Variants in UGT1A6 observed in about 807,000 individuals in gnomAD.
The protein encoded by UGT1A6 is UDP-glucuronosyltransferase 1A6.
UGT1A6 carries 32 observed loss-of-function variants against 44.4 expected under a neutral mutation model. The observed-to-expected ratio is 0.72, with a 90% confidence interval of 0.54 to 0.97. The LOEUF is 0.97. UGT1A6 is among the 50% of genes least tolerant of loss of function. The pLI is 0.00. For synonymous variants in UGT1A6, 238 were observed against 248.5 expected, an observed-to-expected ratio of 0.96 and a Z score of 0.40; for missense variants, 685 against 661.9, an observed-to-expected ratio of 1.03 and a Z score of -0.38.
intron 3 of UGT1A6, 123 bp downstream of exon 3, chr2:233,768,059 T>G: frequency 3.1e-6 from 5 of 1,601,374 alleles, no homozygotes; most frequent in Non-Finnish European, 4.3e-6. Flanking sequence ...CCTACATTGC[T>G]TTTTATCTAG....
At chr2:233,737,493 C>T (rs2078886571) in intron 1 of UGT1A6, among the ~76,000 whole-genome samples, 1 of 152,188 alleles carries the variant, frequency 6.6e-6, no homozygotes, top group Admixed American at 6.5e-5. Flanking sequence ...AAGGGAAATC[C>T]CTCACCCTCT....
intron 1 of UGT1A6, among the ~76,000 whole-genome samples, chr2:233,744,545 T>A (rs1042010726): frequency 6.6e-6 from 1 of 151,936 alleles, no homozygotes; most frequent in Non-Finnish European, 1.5e-5. Context: ...TAAATTTTAT[T>A]AAGACAAAAT....
Position 233,726,984 on chromosome 2 carries a change from G to A in UGT1A6, c.861+33119G>A, listed in dbSNP as rs570702921. Among the ~76,000 whole-genome samples, 9 of 152,176 alleles carry A rather than the reference G, an allele frequency of 5.9e-5. No individual in the cohort carries two copies. The East Asian group carries it at 1.2e-3, about 20-fold the overall frequency. ...GAGCAAAAGTTTTAGATTTTGATGA[G>A]GTTCTTTCTAGCAAAGTTTTATCAT... On this transcript the variant is annotated intron_variant, in intron 1 of 4. Transcript: ENST00000305139.
intron 1 of UGT1A6, among the ~76,000 whole-genome samples, chr2:233,728,362 AC>A (rs1475063601): frequency 1.3e-5 from 2 of 152,120 alleles, no homozygotes; most frequent in East Asian, 3.9e-4. Flanking sequence ...AGCTCCCTGA[AC>A]CCACCATGGG....
chr2:233,732,187 T>A (rs1208942710), intron 1 of UGT1A6, among the ~76,000 whole-genome samples: 3 of 152,250 alleles, frequency 2.0e-5, no homozygotes, highest in African/African-American at 7.2e-5. Flanking sequence ...ATTCTGGATA[T>A]TAGCCCTTTG....
rs537688236 is a variant in UGT1A6, at chr2:233,769,340, T to C, written c.1301+901T>C. On this transcript the variant is annotated intron_variant, in intron 4 of 4. Coordinates refer to ENST00000305139, the MANE Select transcript of UGT1A6 (RefSeq NM_001072.4). The surrounding 1 kb of genome is among the most constrained non-coding windows in gnomAD (Gnocchi z 4.4). The stretch of plus-strand genomic sequence containing the variant: ...CACTGGTAATAGGCTTATTAGAACC[T>C]TATGGGAAGAAGTGGTGGCCAGTGG... Among the ~76,000 whole-genome samples, 3 of 152,228 alleles carry C rather than the reference T, an allele frequency of 2.0e-5. No individual in the cohort carries two copies. The South Asian group carries it at 6.2e-4, about 32-fold the overall frequency.
chr2:233,754,995 C>G (rs769077985), intron 1 of UGT1A6: 1 of 1,295,418 alleles, frequency 7.7e-7, no homozygotes, highest in Non-Finnish European at 1.0e-6. Flanking sequence ...GTCACGGAAG[C>G]TGAAGACCTA....
At position 233,754,917 on chromosome 2, in the gene UGT1A6, G is replaced by A. The variant is rs1403282569; in HGVS notation, c.862-12117G>A. ...CTGACCCCCCAAAATATTCTCCAGC[G>A]GGTTTCCCAAGAGGTCAAAGGAGAA... On this transcript the variant is annotated intron_variant, in intron 1 of 4. Coordinates refer to ENST00000305139, the MANE Select transcript of UGT1A6 (RefSeq NM_001072.4). The A allele has an allele frequency of 3.0e-6, 4 of 1,353,604 alleles. No homozygotes were observed. In the African/African-American group the frequency reaches 4.4e-5, roughly 15 times the overall value. 83.8% of individuals were successfully genotyped at this position (1,353,604 alleles called of 1,614,324 possible).
chr2:233,753,309 CCT>C (rs1299890388), intron 1 of UGT1A6: 3 of 152,212 alleles, frequency 2.0e-5, no homozygotes, highest in African/African-American at 7.2e-5. Context: ...CCCGTGTGCC[CCT>C]GTGGGATGGT....
intron 1 of UGT1A6, chr2:233,743,799 C>T: frequency 7.3e-7 from 1 of 1,367,352 alleles, no homozygotes. Flanking sequence ...TCCGCTTCCT[C>T]CTTGTTCTCA....
upstream of UGT1A6, chr2:233,691,756 C>T: frequency 1.9e-6 from 1 of 515,634 alleles, no homozygotes; most frequent in African/African-American, 2.1e-5. Flanking sequence ...CTTTCTGACT[C>T]CTGCTCTAGG....
rs1173929998 is a variant in UGT1A6, at chr2:233,772,412, G to A, written c.1452G>A (p.Gln484=). The change falls in exon 5 of 5, where the codon CAG becomes CAA. Residue 484 remains glutamine (Q), a synonymous_variant. Transcript: ENST00000305139. The part of the protein sequence containing the change: ...RPAAHDLTWY[Q]YHSLDVIGFL... Reference sequence around the variant, plus strand: ...CAGCCCACGACCTCACCTGGTACCAGTACCATTCCTTGGACGTGATTGGTT... The same window carrying A: ...CAGCCCACGACCTCACCTGGTACCAATACCATTCCTTGGACGTGATTGGTT... 3 of 1,614,244 alleles carry A rather than the reference G, an allele frequency of 1.9e-6. No individual in the cohort carries two copies. The highest frequency in any genetic ancestry group is 1.7e-5 in the Admixed American group (1 of 60,028).
At chr2:233,748,739 G>A (rs572551381) in intron 1 of UGT1A6, among the ~76,000 whole-genome samples, 1 of 151,736 alleles carries the variant, frequency 6.6e-6, no homozygotes, top group Admixed American at 6.5e-5. Flanking sequence ...ACATCTCAGA[G>A]TTCGGAAGGC....
At position 233,769,586 on chromosome 2, in the gene UGT1A6, A is replaced by G; in HGVS notation, c.1301+1147A>G. ...AAGAGCTGGAGCATGTTCAGATGAG[A>G]GGAGACGGAACACGGGGACACACCA... On this transcript the variant is annotated intron_variant, in intron 4 of 4. Transcript: ENST00000305139. This position sits in a 1 kb window ranked among gnomAD's most constrained non-coding sequence, Gnocchi z 4.4. 2.5e-6 allele frequency: 4 copies of G among 1,612,900 alleles called. No individual in the cohort carries two copies. The highest frequency in any genetic ancestry group is 3.4e-6 in the Non-Finnish European group (4 of 1,179,882).
rs34642976 is a variant in UGT1A6 at position 233,765,194 on chromosome 2, T to A, written c.862-1840T>A. Among the ~76,000 whole-genome samples, 4 of 152,300 alleles carry A rather than the reference T, an allele frequency of 2.6e-5. No homozygotes were observed. The East Asian group carries it at 7.7e-4, about 29-fold the overall frequency. On this transcript the variant is annotated intron_variant, in intron 1 of 4. Transcript: ENST00000305139. ...CAAGCCCTGCCACATCACACAATCA[T>A]ATTAGTGCCCTCAGTATTCTTTGCA...
chr2:233,746,870 G>C (rs544593514), intron 1 of UGT1A6, among the ~76,000 whole-genome samples: 1 of 151,786 alleles, frequency 6.6e-6, no homozygotes, highest in Admixed American at 6.5e-5. Context: ...CCTGATAAAC[G>C]TGGTTAACAG....
At position 233,734,864 on chromosome 2, in the gene UGT1A6, C is replaced by T. The variant is rs1375585915; in HGVS notation, c.862-32170C>T. 3.3e-5 allele frequency among the ~76,000 whole-genome samples: 5 copies of T among 152,224 alleles called. No individual in the cohort carries two copies. In the East Asian group the frequency reaches 9.6e-4, roughly 29 times the overall value. ...AATCCAGAGTTCTAATTTGACTGCA[C>T]TATGGTCTGAGAGACAGTTTGTTGT... is the stretch of plus-strand genomic sequence containing the variant. On this transcript the variant is annotated intron_variant, in intron 1 of 4. Coordinates refer to ENST00000305139, the MANE Select transcript of UGT1A6 (RefSeq NM_001072.4).
chr2:233,766,514 T>C (rs1164692574), intron 1 of UGT1A6, among the ~76,000 whole-genome samples: 2 of 152,060 alleles, frequency 1.3e-5, no homozygotes, highest in South Asian at 2.1e-4. Flanking sequence ...TTTTGGGAAA[T>C]GAAACATTTA....
chr2:233,719,429 C>A, intron 1 of UGT1A6: 1 of 1,613,996 alleles, frequency 6.2e-7, no homozygotes, highest in Non-Finnish European at 8.5e-7. Context: ...CCAATTCAGA[C>A]CACATGACAT....
Sources: allele counts gnomAD v4.1 joint callset (sites outside exome capture counted in the v4.1 genomes callset), GRCh38; gene constraint gnomAD v4.1.1; non-coding constraint Gnocchi (gnomAD v3.1); transcripts MANE v1.5; gene names NCBI Gene and HGNC (gene_info 2026-07-23, HGNC 2026-07-21).